The following COX15 variants were observed in gnomAD, a reference collection of about 807,000 sequenced individuals.
The protein encoded by COX15 is heme A synthase COX15.
A neutral mutation model predicts 51.9 loss-of-function variants in COX15; 51 were observed. That is an observed-to-expected ratio of 0.98 (90% CI 0.78 to 1.24). The LOEUF (loss-of-function observed/expected upper bound fraction) is 1.24, where lower values mean the gene tolerates loss of function less well. COX15 is among the 50% of genes most tolerant of loss of function. The pLI is 0.00. For missense variants in COX15, 420 were observed against 501.1 expected (o/e 0.84, Z 1.55); for synonymous variants, 188 against 190.5 (o/e 0.99, Z 0.11).
the COX15 span, chr10:99,696,158 A>C: frequency 6.2e-7 from 1 of 1,606,212 alleles, no homozygotes; most frequent in Non-Finnish European, 8.5e-7. Flanking sequence ...TCTGAAATAT[A>C]ATGTCAGGCT....
the COX15 span, chr10:99,696,182 A>G: frequency 6.4e-7 from 1 of 1,573,042 alleles, no homozygotes; most frequent in Non-Finnish European, 8.7e-7. Flanking sequence ...GATATTAGGG[A>G]GAAATACTCA....
intron 8 of COX15, among the ~76,000 whole-genome samples, chr10:99,715,147 T>C (rs2036525880): frequency 6.6e-6 from 1 of 152,072 alleles, no homozygotes; most frequent in Non-Finnish European, 1.5e-5. Flanking sequence ...TTTTGTTTTG[T>C]TTTGTTTTGA....
At chr10:99,721,706 T>G (rs2036775601) in intron 5 of COX15, among the ~76,000 whole-genome samples, 2 of 152,130 alleles carry the variant, frequency 1.3e-5, no homozygotes, top group Middle Eastern at 3.2e-3. Context: ...TATAGGACAG[T>G]ATATCAGCAC....
At chr10:99,698,614 T>G in the COX15 span, 2 of 1,614,100 alleles carry the variant, frequency 1.2e-6, no homozygotes, top group Admixed American at 1.7e-5. Flanking sequence ...ACAGATGTGG[T>G]GGAGAGGAAC....
chr10:99,724,203 A>G, intron 4 of COX15, 80 bp from the exon 5 acceptor site: 1 of 1,528,808 alleles, frequency 6.5e-7, no homozygotes, highest in South Asian at 1.1e-5. Context: ...TGTTTTTTTG[A>G]GACAGAGTCT....
At chr10:99,704,994 T>G in the COX15 span, 3 of 323,076 alleles carry the variant, frequency 9.3e-6, no homozygotes, top group East Asian at 1.2e-4. Flanking sequence ...TCACCTTTTC[T>G]TCCCTTGCTA....
the COX15 span, chr10:99,702,449 T>C: frequency 7.1e-7 from 1 of 1,414,206 alleles, no homozygotes; most frequent in Non-Finnish European, 9.4e-7. Flanking sequence ...AGTGGCTTAT[T>C]GCAAAGGAAA....
chr10:99,727,976 C>A (rs187238208), intron 2 of COX15, among the ~76,000 whole-genome samples: 1 of 152,226 alleles, frequency 6.6e-6, no homozygotes, highest in Non-Finnish European at 1.5e-5. Flanking sequence ...CAATAAAATT[C>A]AAATTTGTTT....
At position 99,711,463 on chromosome 10, in the gene COX15, T is replaced by C. The variant is rs2036383114; in HGVS notation, c.*3124A>G. ...AGACCATATCCTACTAACATACTAA[T>C]AGGAGCAACATAGCAGATCAAATGA... On this transcript the variant is annotated 3_prime_UTR_variant, in exon 9 of 9. Transcript: ENST00000016171. The C allele has an allele frequency of 1.0e-6, 1 of 985,306 alleles. No homozygotes were observed. The highest frequency in any genetic ancestry group is 1.2e-6 in the Non-Finnish European group (1 of 829,884). 61.0% of individuals were successfully genotyped at this position (985,306 alleles called of 1,614,324 possible).
At chr10:99,701,962 T>C in the COX15 span, among the ~76,000 whole-genome samples, 2 of 151,916 alleles carry the variant, frequency 1.3e-5, no homozygotes, top group Admixed American at 1.3e-4. Flanking sequence ...GCAGGGAGAA[T>C]TGCTTGAACC....
At chr10:99,725,610 T>C (rs2036922570) in intron 4 of COX15, among the ~76,000 whole-genome samples, 1 of 152,166 alleles carries the variant, frequency 6.6e-6, no homozygotes, top group African/African-American at 2.4e-5. Flanking sequence ...CAGGCTGGAG[T>C]GCAGTGGTGC....
At chr10:99,725,458 A>C (rs765850071) in intron 4 of COX15, among the ~76,000 whole-genome samples, 1 of 152,048 alleles carries the variant, frequency 6.6e-6, no homozygotes, top group Non-Finnish European at 1.5e-5. Context: ...GTTAACTTTC[A>C]TTTTGTTCTA....
the COX15 span, chr10:99,704,724 G>A: frequency 1.3e-6 from 2 of 1,550,366 alleles, no homozygotes; most frequent in South Asian, 1.2e-5. Flanking sequence ...CCCCCGAGTT[G>A]CTGCTCATTG....
intron 6 of COX15, among the ~76,000 whole-genome samples, chr10:99,720,687 C>G (rs2036734138): frequency 6.6e-6 from 1 of 152,200 alleles, no homozygotes; most frequent in African/African-American, 2.4e-5. Context: ...GATAAGGTCT[C>G]TAAGGCCCAG....
chr10:99,713,169 T>A lies in COX15; in HGVS notation c.*1418A>T. The A allele has an allele frequency of 1.5e-6, 2 of 1,360,240 alleles. No homozygotes were observed. The highest frequency in any genetic ancestry group is 1.9e-6 in the Non-Finnish European group (2 of 1,052,256). The allele number at this position is 1,360,240 out of a possible 1,614,324, so 84.3% of individuals were successfully genotyped here. A position where few individuals can be genotyped will look rare whatever the true frequency, so the allele number is the denominator to read the frequency against. On this transcript the variant is annotated 3_prime_UTR_variant, in exon 9 of 9. Transcript: ENST00000016171. ...TACCACTAATTTTTCTGTTATCATATAATAACAACATGAATACTACTTGGT... is the reference window on the plus strand; with the variant it reads ...TACCACTAATTTTTCTGTTATCATAAAATAACAACATGAATACTACTTGGT...
Position 99,729,609 on chromosome 10 carries a change from C to CCAT in COX15, c.213_215dup (p.Arg71_Trp72insTer). On this transcript the variant is annotated stop_gained, in exon 2 of 9. Coordinates refer to ENST00000016171, the MANE Select transcript of COX15 (RefSeq NM_078470.6). LOFTEE classifies it high-confidence loss of function. The stretch of plus-strand genomic sequence containing the variant: ...CCACTGTTCCACTGCAGACCAGGAG[C>CCAT]CATCGGCCCACCACCCGCTCAGCAG... 6.2e-7 allele frequency: 1 copy of CCAT among 1,614,026 alleles called. No homozygotes were observed. Among genetic ancestry groups the CCAT allele is most frequent in the Non-Finnish European group, 8.5e-7 (1 of 1,180,024 alleles).
At position 99,712,333 on chromosome 10, in the gene COX15, C is replaced by CA. The variant is rs2036421988; in HGVS notation, c.*2253dup. The CA allele has an allele frequency of 2.0e-6, 2 of 985,304 alleles. No homozygotes were observed. The highest frequency in any genetic ancestry group is 2.4e-6 in the Non-Finnish European group (2 of 829,930). 61.0% of individuals were successfully genotyped at this position (985,304 alleles called of 1,614,324 possible). On this transcript the variant is annotated 3_prime_UTR_variant, in exon 9 of 9. Transcript: ENST00000016171. Reference sequence around the variant, plus strand: ...GAAACGTTAGGTCATTTATGGCTCTCAGACACGTTAAGCCTGCATAACATT... The same window carrying CA: ...GAAACGTTAGGTCATTTATGGCTCTCAAGACACGTTAAGCCTGCATAACATT...
At chr10:99,704,949 A>C in the COX15 span, 4 of 471,138 alleles carry the variant, frequency 8.5e-6, no homozygotes, top group South Asian at 2.5e-5. Flanking sequence ...GCAGGCTTCG[A>C]CTCCTTCTGA....
chr10:99,704,709 G>C, the COX15 span: 1 of 1,590,600 alleles, frequency 6.3e-7, no homozygotes, highest in Non-Finnish European at 8.6e-7. Flanking sequence ...AGAGAAGCTT[G>C]AGCACCCCCG....
Sources: allele counts gnomAD v4.1 joint callset (sites outside exome capture counted in the v4.1 genomes callset), GRCh38; gene constraint gnomAD v4.1.1; transcripts MANE v1.5; gene names NCBI Gene and HGNC (gene_info 2026-07-23, HGNC 2026-07-21).